Variants in TRPM6 observed in about 807,000 individuals in gnomAD.
TRPM6 encodes channel kinase 2.
Under a neutral mutation model 247.6 loss-of-function variants are expected in TRPM6, and 111 were observed. That is an observed-to-expected ratio of 0.45 (90% CI 0.38 to 0.52). TRPM6 has a LOEUF of 0.52. Among genes scored for constraint, TRPM6 ranks in the 20% least tolerant of loss-of-function variants. TRPM6 has a pLI of 0.00. For missense variants in TRPM6, 2,126 were observed against 2,421.5 expected, an observed-to-expected ratio of 0.88 and a Z score of 2.56; for synonymous variants, 892 against 853.8, an observed-to-expected ratio of 1.04 and a Z score of -0.78.
chr9:74,748,045 C>T (rs1291362681), intron 30 of TRPM6, 131 bp from the exon 31 acceptor site: 2 of 809,514 alleles, frequency 2.5e-6, no homozygotes, highest in African/African-American at 1.7e-5. Flanking sequence ...AATACATATA[C>T]AGTCATGTAC....
At chr9:74,778,427 G>A (rs1827301347) in intron 23 of TRPM6, among the ~76,000 whole-genome samples, 1 of 152,176 alleles carries the variant, frequency 6.6e-6, no homozygotes, top group African/African-American at 2.4e-5. Context: ...ACAGAGTTCT[G>A]TCCTAAAAAG....
chr9:74,731,642 G>A (rs1825524841), intron 37 of TRPM6, among the ~76,000 whole-genome samples: 1 of 150,264 alleles, frequency 6.7e-6, no homozygotes, highest in Non-Finnish European at 1.5e-5. Context: ...GAGTTCTTGG[G>A]GAGGGAAAGT....
At chr9:74,727,093 C>T (rs1483660961) in intron 38 of TRPM6, among the ~76,000 whole-genome samples, 2 of 152,098 alleles carry the variant, frequency 1.3e-5, no homozygotes, top group Non-Finnish European at 2.9e-5. Flanking sequence ...GCCTTCACCA[C>T]AAGAGCTCCC....
intron 7 of TRPM6, among the ~76,000 whole-genome samples, chr9:74,824,928 CAG>C (rs1829276188): frequency 6.6e-6 from 1 of 151,852 alleles, no homozygotes; most frequent in African/African-American, 2.4e-5. Flanking sequence ...AAGGGTTTGC[CAG>C]AGTCACCAAG....
At position 74,800,902 on chromosome 9, in the gene TRPM6, G is replaced by GTTTTTT. The variant is rs5898380; in HGVS notation, c.2010-421_2010-420insAAAAAA. 7.9e-5 allele frequency among the ~76,000 whole-genome samples: 10 copies of GTTTTTT among 127,038 alleles called. 1 individual carries two copies. Among genetic ancestry groups the GTTTTTT allele is most frequent in the African/African-American group, 3.2e-4 (10 of 30,914 alleles). 83.3% of individuals were successfully genotyped at this position (127,038 alleles called of 152,430 possible). A position where few individuals can be genotyped will look rare whatever the true frequency, so the allele number is the denominator to read the frequency against. ...ACTCCCTGATAAGACCTAATAAAGT[G>GTTTTTT]TGTTTTTTTTTTTTTTTTTGACAAA... is the stretch of plus-strand genomic sequence containing the variant. On this transcript the variant is annotated intron_variant, in intron 16 of 38. Transcript: ENST00000360774.
chr9:74,860,445 G>A (rs552224657), intron 1 of TRPM6, among the ~76,000 whole-genome samples: 1 of 152,118 alleles, frequency 6.6e-6, no homozygotes, highest in African/African-American at 2.4e-5. Flanking sequence ...TGAAACCACT[G>A]CCTCTAGGTT....
intron 1 of TRPM6, among the ~76,000 whole-genome samples, chr9:74,861,425 G>A (rs566504934): frequency 1.3e-5 from 2 of 152,192 alleles, no homozygotes; most frequent in East Asian, 3.9e-4. Flanking sequence ...TCATGCCTCT[G>A]GGACAAGTTC....
intron 25 of TRPM6, among the ~76,000 whole-genome samples, chr9:74,763,613 A>G (rs1462730266): frequency 6.6e-6 from 1 of 152,050 alleles, no homozygotes; most frequent in African/African-American, 2.4e-5. Flanking sequence ...TAAGAAAAAG[A>G]AAAAAAACAC....
intron 23 of TRPM6, among the ~76,000 whole-genome samples, chr9:74,780,574 G>C (rs1827403038): frequency 6.6e-6 from 1 of 152,180 alleles, no homozygotes; most frequent in Admixed American, 6.5e-5. Flanking sequence ...TGGAGCAGAA[G>C]AGTAATATCC....
Position 74,753,110 on chromosome 9 carries a change from C to CAAA in TRPM6, c.4907-745_4907-743dup, listed in dbSNP as rs35980332. 1.9e-3 allele frequency among the ~76,000 whole-genome samples: 196 copies of CAAA among 103,936 alleles called. 5 individuals are homozygous for CAAA. Among genetic ancestry groups the CAAA allele is most frequent in the South Asian group, 7.4e-3 (22 of 2,986 alleles). The allele number at this position is 103,936 out of a possible 152,430, so 68.2% of individuals were successfully genotyped here. ...CCTGAGCGACAGAGTGAGACTGTCT[C>CAAA]AAAAAAAAAAAAAAAAAAAGAAAGG... On this transcript the variant is annotated intron_variant, in intron 28 of 38. Transcript: ENST00000360774.
At chr9:74,879,784 A>G (rs1364870814) in intron 1 of TRPM6, among the ~76,000 whole-genome samples, 2 of 152,182 alleles carry the variant, frequency 1.3e-5, no homozygotes, top group Non-Finnish European at 1.5e-5. Context: ...GCATCTCTTC[A>G]TCTATATCCT....
chr9:74,870,234 C>A (rs11144128), intron 1 of TRPM6, among the ~76,000 whole-genome samples: 2 of 152,100 alleles, frequency 1.3e-5, no homozygotes, highest in Admixed American at 6.5e-5. Context: ...GATACACCTA[C>A]AGTATCTCAT....
intron 3 of TRPM6, among the ~76,000 whole-genome samples, chr9:74,849,657 G>A (rs187242810): frequency 2.0e-5 from 3 of 152,250 alleles, no homozygotes; most frequent in Admixed American, 2.0e-4. Flanking sequence ...CTAAAATCCT[G>A]GCTATAGAAC....
intron 3 of TRPM6, among the ~76,000 whole-genome samples, chr9:74,849,546 C>G (rs1415246268): frequency 6.6e-6 from 1 of 152,078 alleles, no homozygotes; most frequent in African/African-American, 2.4e-5. Context: ...ACCCTGCAAA[C>G]AACTTGGTCT....
At chr9:74,806,155 T>C (rs1448060577) in intron 14 of TRPM6, among the ~76,000 whole-genome samples, 2 of 152,176 alleles carry the variant, frequency 1.3e-5, no homozygotes, top group African/African-American at 2.4e-5. Context: ...TTGTTGCTAT[T>C]ATTGAAACTG....
chr9:74,727,861 TA>T lies in TRPM6; in HGVS notation c.5935+377del, dbSNP rs1433515407. On this transcript the variant is annotated intron_variant, in intron 38 of 38. Transcript: ENST00000360774. The stretch of plus-strand genomic sequence containing the variant: ...CAAGTACCCAATGGCGAAATTAGAA[TA>T]GAATAGAAATGCGGTGGCCAACACC... Among the ~76,000 whole-genome samples, 7 of 152,094 alleles carry T rather than the reference TA, an allele frequency of 4.6e-5. No homozygotes were observed. In the East Asian group the frequency reaches 1.4e-3, roughly 29 times the overall value.
chr9:74,830,494 C>A (rs571896393), intron 6 of TRPM6, among the ~76,000 whole-genome samples: 2 of 152,118 alleles, frequency 1.3e-5, no homozygotes, highest in East Asian at 3.9e-4. Context: ...CTCCCGGGCT[C>A]GAGCGATCCT....
rs558876421 is a variant in TRPM6, at chr9:74,766,570, T to C, written c.3537-3436A>G. On this transcript the variant is annotated intron_variant, in intron 25 of 38. Coordinates refer to ENST00000360774, the MANE Select transcript of TRPM6 (RefSeq NM_017662.5). Reference sequence around the variant, plus strand: ...TACCTGTACTGTTTTATTTAATCCATGTAACAACCCTATAAGGTAGGAATT... The same window carrying C: ...TACCTGTACTGTTTTATTTAATCCACGTAACAACCCTATAAGGTAGGAATT... Among the ~76,000 whole-genome samples, 10 of 152,326 alleles carry C rather than the reference T, an allele frequency of 6.6e-5. No homozygotes were observed. In the East Asian group the frequency reaches 1.2e-3, roughly 18 times the overall value.
At chr9:74,805,793 GA>G (rs369834877) in intron 14 of TRPM6, among the ~76,000 whole-genome samples, 13 of 147,904 alleles carry the variant, frequency 8.8e-5, no homozygotes, top group East Asian at 2.0e-4. Flanking sequence ...AAGACGACTG[GA>G]AAAAAAAAAG....
Sources: allele counts gnomAD v4.1 joint callset (sites outside exome capture counted in the v4.1 genomes callset), GRCh38; gene constraint gnomAD v4.1.1; transcripts MANE v1.5; gene names NCBI Gene and HGNC (gene_info 2026-07-23, HGNC 2026-07-21).